AMZ1: variants seen among roughly 807,000 people sequenced by gnomAD.
The protein encoded by AMZ1 is archaelysin family metallopeptidase 1, also known as archaemetzincin-1.
AMZ1 carries 39 observed loss-of-function variants against 29.9 expected under a neutral mutation model. The observed-to-expected ratio is 1.30, with a 90% CI of 1.01 to 1.70. The LOEUF is 1.70. Among genes scored for constraint, AMZ1 ranks in the 40% most tolerant of loss-of-function variants. The pLI is 0.00. For synonymous variants in AMZ1, 458 were observed against 304.0 expected, an observed-to-expected ratio of 1.51 and a Z score of -5.27; for missense variants, 1,041 against 680.6, an observed-to-expected ratio of 1.53 and a Z score of -5.89.
intron 6 of AMZ1, among the ~76,000 whole-genome samples, chr7:2,711,901 C>T (rs1273437568): frequency 6.6e-6 from 1 of 152,062 alleles, no homozygotes; most frequent in Non-Finnish European, 1.5e-5. Flanking sequence ...AAAAATTAGC[C>T]AGGCATGCTG....
chr7:2,692,285 A>G (rs1787442103), intron 1 of AMZ1, among the ~76,000 whole-genome samples: 1 of 152,170 alleles, frequency 6.6e-6, no homozygotes, highest in Admixed American at 6.5e-5. Flanking sequence ...TCACGCCTGT[A>G]ATCCCAACAC....
At chr7:2,692,984 C>T (rs531837380) in intron 1 of AMZ1, among the ~76,000 whole-genome samples, 4 of 152,326 alleles carry the variant, frequency 2.6e-5, no homozygotes, top group South Asian at 2.1e-4. Flanking sequence ...CCCTCCTCCC[C>T]GCTGCCTCCT....
At chr7:2,721,149 C>T (rs1270854313), downstream of AMZ1, among the ~76,000 whole-genome samples, 1 of 152,150 alleles carries the variant, frequency 6.6e-6, no homozygotes, top group African/African-American at 2.4e-5. Context: ...CCTGCCAATG[C>T]CGGGAGGAAG....
At chr7:2,683,587 G>A (rs1307302593), upstream of AMZ1, among the ~76,000 whole-genome samples, 2 of 152,056 alleles carry the variant, frequency 1.3e-5, no homozygotes, top group Non-Finnish European at 2.9e-5. Context: ...ACAGGTGCCT[G>A]CCACCACGCC....
chr7:2,707,295 A>C (rs28606060), intron 3 of AMZ1, among the ~76,000 whole-genome samples: 30,965 of 149,038 alleles, frequency 0.21, 4,760 homozygotes, highest in African/African-American at 0.43. Flanking sequence ...AAAACAAAAA[A>C]ACACACACAC....
At chr7:2,698,225 AAAAAC>A (rs1273931532) in intron 1 of AMZ1, among the ~76,000 whole-genome samples, 4 of 152,132 alleles carry the variant, frequency 2.6e-5, no homozygotes, top group African/African-American at 7.2e-5. Flanking sequence ...TTCTGTTAAA[AAAAAC>A]AAAACAAAAA....
intron 4 of AMZ1, among the ~76,000 whole-genome samples, chr7:2,744,334 G>C (rs868608761): frequency 2.0e-5 from 3 of 152,276 alleles, no homozygotes; most frequent in East Asian, 1.9e-4. Flanking sequence ...CCAGAGGAAC[G>C]ATCAGGCAGC....
upstream of AMZ1, among the ~76,000 whole-genome samples, chr7:2,761,140 C>T (rs535279401): frequency 9.2e-5 from 14 of 152,328 alleles, no homozygotes; most frequent in East Asian, 1.7e-3. Flanking sequence ...TAGAGTTATG[C>T]GGATGGGAGA....
chr7:2,684,262 T>C (rs112820903), upstream of AMZ1, among the ~76,000 whole-genome samples: 2,451 of 152,286 alleles, frequency 0.016, 55 homozygotes, highest in African/African-American at 0.055. Context: ...GTCACTTGCA[T>C]TGGATTTAGG....
At chr7:2,709,302 G>A in intron 5 of AMZ1, 58 bp downstream of exon 5, 1 of 1,437,778 alleles carries the variant, frequency 7.0e-7, no homozygotes, top group Non-Finnish European at 9.1e-7. Context: ...CTGAGCCCTT[G>A]GTGCCTCGGT....
upstream of AMZ1, among the ~76,000 whole-genome samples, chr7:2,763,495 G>C (rs1389873020): frequency 1.3e-5 from 2 of 152,216 alleles, no homozygotes; most frequent in African/African-American, 4.8e-5. Context: ...CAGCAGTGCT[G>C]CTCTATGGCT....
At chr7:2,758,490 C>T (rs1454201607) in intron 4 of AMZ1, among the ~76,000 whole-genome samples, 1 of 152,156 alleles carries the variant, frequency 6.6e-6, no homozygotes, top group East Asian at 1.9e-4. Context: ...GCAATTTCTT[C>T]CCCTGCAGCG....
chr7:2,687,004 C>A (rs1285439559), upstream of AMZ1, among the ~76,000 whole-genome samples: 1 of 151,794 alleles, frequency 6.6e-6, no homozygotes, highest in Non-Finnish European at 1.5e-5. Context: ...TGAGCCACCA[C>A]GCCCAGCCGT....
upstream of AMZ1, chr7:2,762,830 C>A: frequency 6.6e-7 from 1 of 1,508,174 alleles, no homozygotes. Context: ...GCCACACACC[C>A]AGTCAGCGCG....
At chr7:2,736,568 A>G (rs970789267) in intron 4 of AMZ1, among the ~76,000 whole-genome samples, 3 of 152,158 alleles carry the variant, frequency 2.0e-5, no homozygotes, top group African/African-American at 4.8e-5. Flanking sequence ...GCAGGTTGAT[A>G]TGGGGCCTGT....
In AMZ1 at chr7:2,731,391, C is replaced by G; in HGVS notation, n.550+21575C>G. 1 of 1,613,280 alleles carries G rather than the reference C, an allele frequency of 6.2e-7. No individual in the cohort carries two copies. The highest frequency in any genetic ancestry group is 1.3e-5 in the African/African-American group (1 of 74,982). ...GGTCGCCCCTGAAGTCCGGGAAGTG[C>G]TTCTTGATGCTCACGGTCTTCACCT... On this transcript the variant is annotated intron_variant and non_coding_transcript_variant, in intron 4 of 4. Transcript: ENST00000489665. This position sits in a 1 kb window ranked among gnomAD's most constrained non-coding sequence, Gnocchi z 6.0.
chr7:2,703,207 C>T (rs908741763), intron 3 of AMZ1, among the ~76,000 whole-genome samples: 1 of 152,036 alleles, frequency 6.6e-6, no homozygotes, highest in African/African-American at 2.4e-5. Context: ...AGTGCCGTGG[C>T]GCGATCTCGG....
At position 2,709,081 on chromosome 7, in the gene AMZ1, G is replaced by C. The variant is rs1562371976; in HGVS notation, c.608G>C (p.Gly203Ala). The C allele has an allele frequency of 6.3e-7, 1 of 1,589,442 alleles. No homozygotes were observed. Among genetic ancestry groups the C allele is most frequent in the East Asian group, 2.3e-5 (1 of 44,284 alleles). ...TCTCTCCATCTCTCTCCAGAAGTGG[G>C]CGTCTGCAGCTTCGCCCGGTTCTCA... ...FSKFLPGHEV[G>A]VCSFARFSGE... The change falls in exon 5 of 7, where the codon GGC becomes GCC. Residue 203 changes from glycine (G) to alanine (A), a missense_variant. Physicochemically the swap from Gly to Ala is moderately conservative, Grantham distance 60. Transcript: ENST00000683327.
At chr7:2,708,997 C>T in intron 4 of AMZ1, 78 bp from the exon 5 acceptor site, 2 of 1,467,166 alleles carry the variant, frequency 1.4e-6, no homozygotes, top group Non-Finnish European at 1.8e-6. Flanking sequence ...TGCATGAGAG[C>T]ATGAGGTGGG....
Sources: gnomAD v4.1 joint callset for allele counts (sites outside exome capture counted in the v4.1 genomes callset) on GRCh38, gnomAD v4.1.1 for gene constraint, Gnocchi (gnomAD v3.1) non-coding constraint, MANE v1.5 for transcripts, NCBI Gene and HGNC (gene_info 2026-07-23, HGNC 2026-07-21) for gene names.